ITGA9: variants seen among roughly 807,000 people sequenced by gnomAD.
ITGA9 encodes the protein integrin subunit alpha 9.
Under a neutral mutation model 127.8 loss-of-function variants are expected in ITGA9, and 56 were observed. The ratio of observed to expected loss-of-function variants is 0.44; its 90% CI spans 0.35 to 0.55. ITGA9 has a LOEUF of 0.55. ITGA9 is among the 20% of genes least tolerant of loss of function. ITGA9 has a pLI of 0.00. For synonymous variants in ITGA9, 508 were observed against 514.5 expected (o/e 0.99, Z 0.17); for missense variants, 1,196 against 1,347.1 (o/e 0.89, Z 1.76).
intron 15 of ITGA9, among the ~76,000 whole-genome samples, chr3:37,594,190 C>T (rs1056098017): frequency 2.6e-5 from 4 of 152,162 alleles, no homozygotes; most frequent in Admixed American, 1.3e-4. Flanking sequence ...AGGCTTTTCA[C>T]GTGGGGGTTG....
chr3:37,473,342 C>T lies in ITGA9; in HGVS notation c.314-12C>T, dbSNP rs768455990. 2 of 1,612,066 alleles carry T rather than the reference C, an allele frequency of 1.2e-6. No homozygotes were observed. Among genetic ancestry groups the T allele is most frequent in the South Asian group, 2.2e-5 (2 of 91,046 alleles). On this transcript the variant is annotated splice_polypyrimidine_tract_variant and intron_variant, in intron 2 of 27. Coordinates refer to ENST00000264741, the MANE Select transcript of ITGA9 (RefSeq NM_002207.3). ...CCTCAACCCAAGTCTGGCTCTTCTC[C>T]TCTTTCTCCAGGGAAGAATCGGGGC...
At chr3:37,612,416 G>A (rs1010632695) in intron 15 of ITGA9, among the ~76,000 whole-genome samples, 3 of 152,156 alleles carry the variant, frequency 2.0e-5, no homozygotes, top group African/African-American at 7.2e-5. Flanking sequence ...GACATTTTGA[G>A]TACTGTTAAG....
Position 37,736,936 on chromosome 3 carries a change from C to T in ITGA9, c.2187C>T (p.His729=), listed in dbSNP as rs1696369943. The change falls in exon 20 of 28, where the codon CAC becomes CAT. Residue 729 remains histidine (H), a synonymous_variant. Transcript: ENST00000264741. The part of the protein sequence containing the change: ...YEFSVIFDTS[H]LSGEEEVLSF... ...TCAGCGTGATCTTTGATACAAGCCA[C>T]CTGTCTGGGGAAGAGGAAGTTCTCA... is the stretch of plus-strand genomic sequence containing the variant. 1 of 1,613,694 alleles carries T rather than the reference C, an allele frequency of 6.2e-7. No individual in the cohort carries two copies. The highest frequency in any genetic ancestry group is 1.3e-5 in the African/African-American group (1 of 74,918).
intron 18 of ITGA9, among the ~76,000 whole-genome samples, chr3:37,714,968 C>T (rs1701119344): frequency 6.6e-6 from 1 of 152,224 alleles, no homozygotes; most frequent in South Asian, 2.1e-4. Flanking sequence ...CCCTCACCCT[C>T]TCTGGGTCTC....
chr3:37,632,455 C>T (rs761182176), intron 16 of ITGA9, among the ~76,000 whole-genome samples: 5 of 152,018 alleles, frequency 3.3e-5, no homozygotes, highest in Non-Finnish European at 4.4e-5. Context: ...AATAAATTTA[C>T]GGGGTCCTAT....
At chr3:37,622,845 C>G (rs1700140672) in intron 15 of ITGA9, among the ~76,000 whole-genome samples, 1 of 151,938 alleles carries the variant, frequency 6.6e-6, no homozygotes, top group Non-Finnish European at 1.5e-5. Context: ...AAAAAAAATG[C>G]ATTAAAAATG....
intron 3 of ITGA9, among the ~76,000 whole-genome samples, chr3:37,478,338 C>T (rs1334287891): frequency 6.6e-6 from 1 of 152,102 alleles, no homozygotes; most frequent in Non-Finnish European, 1.5e-5. Flanking sequence ...CCTTTGTGGC[C>T]GAAGCACCCG....
chr3:37,727,738 C>T (rs1234544361), intron 18 of ITGA9, among the ~76,000 whole-genome samples: 1 of 152,208 alleles, frequency 6.6e-6, no homozygotes, highest in Non-Finnish European at 1.5e-5. Context: ...TCGGTACAAT[C>T]ACAAAAGGAT....
chr3:37,606,915 C>A (rs1699973964), intron 15 of ITGA9, among the ~76,000 whole-genome samples: 1 of 147,216 alleles, frequency 6.8e-6, no homozygotes, highest in Non-Finnish European at 1.5e-5. Flanking sequence ...TCAATGGTTT[C>A]TTGACACATC....
chr3:37,530,983 C>G (rs1396069272), intron 13 of ITGA9, among the ~76,000 whole-genome samples: 1 of 151,948 alleles, frequency 6.6e-6, no homozygotes, highest in African/African-American at 2.4e-5. Flanking sequence ...GATCTCCTGA[C>G]CTTGTGATCC....
At chr3:37,794,835 T>TA (rs1157828908) in intron 26 of ITGA9, among the ~76,000 whole-genome samples, 1 of 152,204 alleles carries the variant, frequency 6.6e-6, no homozygotes. Context: ...AGCACAGACT[T>TA]ACAGTGCCAG....
intron 23 of ITGA9, among the ~76,000 whole-genome samples, chr3:37,766,565 A>G (rs1394299460): frequency 1.3e-5 from 2 of 152,240 alleles, no homozygotes; most frequent in African/African-American, 4.8e-5. Context: ...CAGGAAATGC[A>G]GAGACAACCC....
Position 37,568,044 on chromosome 3 carries a change from G to T in ITGA9, c.1689+25459G>T, listed in dbSNP as rs1007036561. On this transcript the variant is annotated intron_variant, in intron 15 of 27. Transcript: ENST00000264741. ...CACATTTCCCTTCCACACTGTCCTA[G>T]CAGAGGTTCTTTATGAGGGCCCCCG... is the stretch of plus-strand genomic sequence containing the variant. 2.0e-5 allele frequency among the ~76,000 whole-genome samples: 3 copies of T among 152,228 alleles called. No homozygotes were observed. The South Asian group carries it at 6.2e-4, about 32-fold the overall frequency.
chr3:37,666,507 G>A (rs2125654295), intron 17 of ITGA9, among the ~76,000 whole-genome samples: 1 of 152,240 alleles, frequency 6.6e-6, no homozygotes, highest in Non-Finnish European at 1.5e-5. Context: ...AGGCAACCTC[G>A]GGTTGGTTGG....
At chr3:37,507,463 G>A (rs1698857108) in intron 7 of ITGA9, among the ~76,000 whole-genome samples, 1 of 152,164 alleles carries the variant, frequency 6.6e-6, no homozygotes, top group Admixed American at 6.5e-5. Flanking sequence ...AGATGATTGT[G>A]ATGAACTTCA....
intron 23 of ITGA9, 128 bp downstream of exon 23, chr3:37,750,697 A>G (rs1559587578): frequency 1.3e-6 from 1 of 742,940 alleles, no homozygotes; most frequent in Non-Finnish European, 2.4e-6. Context: ...CCCTTTGGAG[A>G]CATATCTGGA....
intron 26 of ITGA9, among the ~76,000 whole-genome samples, chr3:37,801,308 G>T (rs1303126380): frequency 1.3e-5 from 2 of 152,120 alleles, no homozygotes. Flanking sequence ...GTGGGGACTG[G>T]AAGGAAGGGG....
intron 18 of ITGA9, among the ~76,000 whole-genome samples, chr3:37,705,008 C>T (rs1700988743): frequency 6.6e-6 from 1 of 152,182 alleles, no homozygotes; most frequent in Admixed American, 6.5e-5. Flanking sequence ...TAACCATTTA[C>T]TCTGATTTCA....
intron 26 of ITGA9, among the ~76,000 whole-genome samples, chr3:37,791,448 A>G (rs1026085636): frequency 2.0e-5 from 3 of 152,170 alleles, no homozygotes; most frequent in African/African-American, 7.2e-5. Flanking sequence ...GGAAGTGCTC[A>G]GAATTGCGCT....
Sources: allele counts gnomAD v4.1 joint callset (sites outside exome capture counted in the v4.1 genomes callset), GRCh38; gene constraint gnomAD v4.1.1; transcripts MANE v1.5; gene names NCBI Gene and HGNC (gene_info 2026-07-23, HGNC 2026-07-21).